CDK14: variants seen among roughly 807,000 people sequenced by gnomAD.
The protein encoded by CDK14 is cyclin-dependent kinase 14.
Under a neutral mutation model 60.7 loss-of-function variants are expected in CDK14, and 34 were observed. The observed-to-expected ratio is 0.56, with a 90% CI of 0.43 to 0.75. The LOEUF (loss-of-function observed/expected upper bound fraction) is 0.75, where lower values mean the gene tolerates loss of function less well. Among genes scored for constraint, CDK14 ranks in the 30% least tolerant of loss-of-function variants. The pLI is 0.00. For missense variants in CDK14, 482 were observed against 564.1 expected (o/e 0.85, Z 1.47); for synonymous variants, 197 against 203.7 (o/e 0.97, Z 0.28).
chr7:90,849,569 C>G (rs942994140), intron 5 of CDK14, among the ~76,000 whole-genome samples: 4 of 151,916 alleles, frequency 2.6e-5, no homozygotes, highest in African/African-American at 9.7e-5. Context: ...GAGCTCTGCG[C>G]TCTTGGGGAT....
chr7:90,821,153 C>T lies in CDK14; in HGVS notation c.544+30501C>T, dbSNP rs559726007. On this transcript the variant is annotated intron_variant, in intron 5 of 14. Coordinates refer to ENST00000380050, the MANE Select transcript of CDK14 (RefSeq NM_001287135.2). The stretch of plus-strand genomic sequence containing the variant: ...CTCTACATTCTGCTGCTAGATTAGT[C>T]TTCTTTCATCACAGTCTCTTAGATC... Among the ~76,000 whole-genome samples, 6 of 152,264 alleles carry T rather than the reference C, an allele frequency of 3.9e-5. No homozygotes were observed. The South Asian group carries it at 1.2e-3, about 32-fold the overall frequency.
intron 3 of CDK14, among the ~76,000 whole-genome samples, chr7:90,732,910 T>A (rs998865404): frequency 9.3e-5 from 14 of 149,992 alleles, no homozygotes; most frequent in African/African-American, 3.4e-4. Context: ...CTTCCTTCTC[T>A]AGTTCTTTTA....
intron 12 of CDK14, among the ~76,000 whole-genome samples, chr7:91,089,582 A>C (rs1467453178): frequency 1.3e-5 from 2 of 152,122 alleles, no homozygotes; most frequent in East Asian, 1.9e-4. Flanking sequence ...AAAAAAAAAA[A>C]AAACAGGCAA....
chr7:90,789,077 A>G (rs1459348337), intron 4 of CDK14, among the ~76,000 whole-genome samples: 1 of 152,196 alleles, frequency 6.6e-6, no homozygotes, highest in Non-Finnish European at 1.5e-5. Flanking sequence ...ACTTTTAGGA[A>G]TTTAACTTAC....
At chr7:90,609,093 C>G (rs1054827487) in intron 2 of CDK14, among the ~76,000 whole-genome samples, 1 of 152,100 alleles carries the variant, frequency 6.6e-6, no homozygotes. Context: ...GTGGTGCCAT[C>G]GCGGCTCACT....
At chr7:91,146,472 T>A (rs811933) in intron 14 of CDK14, among the ~76,000 whole-genome samples, 142,426 of 152,268 alleles carry the variant, frequency 0.94, 66,655 homozygotes, top group East Asian at 1. Flanking sequence ...CAGTGCTAGG[T>A]TCACAGGCGT....
intron 5 of CDK14, among the ~76,000 whole-genome samples, chr7:90,812,304 C>G (rs1290283302): frequency 6.6e-6 from 1 of 152,184 alleles, no homozygotes; most frequent in African/African-American, 2.4e-5. Context: ...ATGATGAGTT[C>G]ATGTCTTTTG....
intron 2 of CDK14, among the ~76,000 whole-genome samples, chr7:90,688,147 G>A (rs1801477950): frequency 6.6e-6 from 1 of 152,152 alleles, no homozygotes; most frequent in African/African-American, 2.4e-5. Context: ...ATCCAGGTTG[G>A]ACTGTGGTTA....
At chr7:91,001,761 C>T (rs917739471) in intron 10 of CDK14, among the ~76,000 whole-genome samples, 3 of 152,162 alleles carry the variant, frequency 2.0e-5, no homozygotes, top group African/African-American at 7.2e-5. Flanking sequence ...AGCCTAGCAC[C>T]CTGTGTGCTA....
intron 8 of CDK14, among the ~76,000 whole-genome samples, chr7:90,942,402 A>G (rs1325490370): frequency 1.3e-5 from 2 of 152,184 alleles, no homozygotes; most frequent in South Asian, 2.1e-4. Context: ...GAGAAATTTC[A>G]CAAGAAGAAG....
At chr7:90,983,679 C>CA (rs199848997) in intron 9 of CDK14, among the ~76,000 whole-genome samples, 15,930 of 116,698 alleles carry the variant, frequency 0.14, 1,291 homozygotes, top group East Asian at 0.39. Flanking sequence ...GACTCCATCT[C>CA]AAAAAAAAAA....
intron 5 of CDK14, among the ~76,000 whole-genome samples, chr7:90,805,617 G>A (rs1788795299): frequency 6.6e-6 from 1 of 151,790 alleles, no homozygotes; most frequent in Non-Finnish European, 1.5e-5. Context: ...AAATCTTGAT[G>A]GAAAGAAATA....
intron 11 of CDK14, among the ~76,000 whole-genome samples, chr7:91,063,928 A>C (rs1317505819): frequency 6.6e-6 from 1 of 152,146 alleles, no homozygotes; most frequent in African/African-American, 2.4e-5. Context: ...GGGACTTATC[A>C]GCTCTTGAGA....
chr7:90,872,039 G>A (rs1791387208), intron 6 of CDK14, among the ~76,000 whole-genome samples: 1 of 152,118 alleles, frequency 6.6e-6, no homozygotes, highest in Non-Finnish European at 1.5e-5. Context: ...TATACGGACT[G>A]TCTTCTCTGT....
At chr7:90,887,139 C>CA (rs1791970477) in intron 6 of CDK14, among the ~76,000 whole-genome samples, 1 of 152,048 alleles carries the variant, frequency 6.6e-6, no homozygotes, top group African/African-American at 2.4e-5. Context: ...CTACTTGGAA[C>CA]CAATTTTTTA....
At chr7:90,665,488 C>T (rs930181157) in intron 2 of CDK14, among the ~76,000 whole-genome samples, 3 of 152,066 alleles carry the variant, frequency 2.0e-5, no homozygotes, top group Non-Finnish European at 2.9e-5. Flanking sequence ...AATTAAAAAG[C>T]AAATCCCCAG....
intron 4 of CDK14, among the ~76,000 whole-genome samples, chr7:90,780,135 A>G (rs772993447): frequency 7.2e-5 from 11 of 152,178 alleles, no homozygotes; most frequent in Non-Finnish European, 1.6e-4. Flanking sequence ...TAATCTACTA[A>G]GTGATTATGG....
At chr7:91,113,651 C>T (rs997916701) in intron 13 of CDK14, among the ~76,000 whole-genome samples, 4 of 151,932 alleles carry the variant, frequency 2.6e-5, no homozygotes, top group Non-Finnish European at 5.9e-5. Flanking sequence ...TTTATTAATC[C>T]TTGGTATACA....
At chr7:90,898,264 G>C (rs1792397836) in intron 6 of CDK14, among the ~76,000 whole-genome samples, 1 of 152,028 alleles carries the variant, frequency 6.6e-6, no homozygotes, top group South Asian at 2.1e-4. Context: ...TTAGTGACTA[G>C]TGTTGTGCCT....
Sources: gnomAD v4.1 joint callset for allele counts (sites outside exome capture counted in the v4.1 genomes callset) on GRCh38, gnomAD v4.1.1 for gene constraint, MANE v1.5 for transcripts, NCBI Gene and HGNC (gene_info 2026-07-23, HGNC 2026-07-21) for gene names.